Variants in LRP1B observed in about 807,000 individuals in gnomAD.
LRP1B encodes the protein LDL receptor related protein 1B.
In LRP1B, 217 loss-of-function variants were observed where a neutral mutation model predicts 556.6. The ratio of observed to expected loss-of-function variants is 0.39; its 90% CI spans 0.35 to 0.44. LRP1B has a LOEUF of 0.44. Ranked by LOEUF, LRP1B falls within the 20% of genes least tolerant of loss-of-function variation. LRP1B has a pLI of 1.00. For missense variants in LRP1B, 5,053 were observed against 5,620.8 expected (o/e 0.90, Z 3.23); for synonymous variants, 2,047 against 1,865.8 (o/e 1.10, Z -2.50).
chr2:141,725,399 C>T (rs1274019073), intron 2 of LRP1B, among the ~76,000 whole-genome samples: 1 of 151,798 alleles, frequency 6.6e-6, no homozygotes, highest in Non-Finnish European at 1.5e-5. Flanking sequence ...GTGTGAAATG[C>T]TCACTGATTA....
At chr2:141,215,065 G>A (rs1682733708) in intron 6 of LRP1B, among the ~76,000 whole-genome samples, 1 of 152,180 alleles carries the variant, frequency 6.6e-6, no homozygotes, top group African/African-American at 2.4e-5. Flanking sequence ...GGTGGGGACT[G>A]GTGGGTGATG....
intron 3 of LRP1B, among the ~76,000 whole-genome samples, chr2:141,304,858 G>T (rs779994691): frequency 1.3e-5 from 2 of 151,758 alleles, no homozygotes; most frequent in Non-Finnish European, 2.9e-5. Flanking sequence ...TATTCAAAAG[G>T]GTATCTTTCC....
At chr2:140,397,667 A>G (rs1044806781) in intron 66 of LRP1B, among the ~76,000 whole-genome samples, 2 of 152,168 alleles carry the variant, frequency 1.3e-5, no homozygotes, top group Admixed American at 1.3e-4. Context: ...TGTCATTTCT[A>G]TGGCTGTATA....
chr2:142,069,605 C>A (rs566075110), intron 1 of LRP1B, among the ~76,000 whole-genome samples: 20 of 151,738 alleles, frequency 1.3e-4, no homozygotes, highest in African/African-American at 4.8e-4. Context: ...TTTGCAAATT[C>A]ATGTTCATAA....
At chr2:140,354,152 C>A (rs996399022) in intron 75 of LRP1B, among the ~76,000 whole-genome samples, 2 of 152,026 alleles carry the variant, frequency 1.3e-5, no homozygotes, top group African/African-American at 2.4e-5. Flanking sequence ...ATTTCCCCTG[C>A]CTCATTTTAT....
At chr2:141,693,166 A>T (rs1302346732) in intron 2 of LRP1B, among the ~76,000 whole-genome samples, 2 of 152,060 alleles carry the variant, frequency 1.3e-5, no homozygotes, top group Non-Finnish European at 2.9e-5. Flanking sequence ...TCTTGAAAGT[A>T]GAGTCTTTTT....
chr2:141,875,877 C>T (rs1397558100), intron 1 of LRP1B, among the ~76,000 whole-genome samples: 2 of 151,674 alleles, frequency 1.3e-5, no homozygotes, highest in Admixed American at 1.3e-4. Context: ...ATGTTTTTTC[C>T]AATATGAAGA....
At chr2:141,284,721 G>T (rs1362142024) in intron 3 of LRP1B, among the ~76,000 whole-genome samples, 2 of 152,136 alleles carry the variant, frequency 1.3e-5, no homozygotes, top group Admixed American at 1.3e-4. Context: ...TTTGTGAAAA[G>T]ACTTTTTTCC....
At chr2:141,061,004 A>T (rs1232045157) in intron 8 of LRP1B, among the ~76,000 whole-genome samples, 6 of 151,804 alleles carry the variant, frequency 4.0e-5, no homozygotes. Context: ...CCCTATCTTC[A>T]TAACAAGGTT....
chr2:140,647,101 T>C (rs1355887607), intron 41 of LRP1B, among the ~76,000 whole-genome samples: 2 of 152,174 alleles, frequency 1.3e-5, no homozygotes, highest in African/African-American at 4.8e-5. Flanking sequence ...TTTCTCCGCA[T>C]TTAAATGCAG....
At chr2:140,587,139 A>G (rs1682018415) in intron 43 of LRP1B, among the ~76,000 whole-genome samples, 1 of 152,138 alleles carries the variant, frequency 6.6e-6, no homozygotes. Context: ...AAAAAGTAGA[A>G]TAATAGAAAA....
chr2:141,505,864 T>C (rs1246270705), intron 2 of LRP1B, among the ~76,000 whole-genome samples: 14 of 152,090 alleles, frequency 9.2e-5, no homozygotes, highest in Non-Finnish European at 2.9e-5. Flanking sequence ...AAGAAGCCTT[T>C]TCTGGACATC....
chr2:140,786,660 A>G (rs944703360), intron 32 of LRP1B, among the ~76,000 whole-genome samples: 26 of 152,176 alleles, frequency 1.7e-4, no homozygotes, highest in African/African-American at 6.3e-4. Flanking sequence ...GATGGAGAGC[A>G]TTGAAGAACA....
At chr2:141,053,112 C>G (rs1259420700) in intron 10 of LRP1B, among the ~76,000 whole-genome samples, 2 of 152,000 alleles carry the variant, frequency 1.3e-5, no homozygotes, top group Non-Finnish European at 2.9e-5. Context: ...TTAATACCTA[C>G]TTAAGTTTCT....
chr2:141,313,702 A>G (rs1996718), intron 3 of LRP1B, among the ~76,000 whole-genome samples: 152,290 of 152,296 alleles, frequency 1, 76,142 homozygotes, highest in Non-Finnish European at 1. Context: ...TACATTAGTG[A>G]TCACTGCAAG....
At chr2:141,172,427 T>G (rs972308461) in intron 7 of LRP1B, among the ~76,000 whole-genome samples, 1 of 152,086 alleles carries the variant, frequency 6.6e-6, no homozygotes, top group African/African-American at 2.4e-5. Flanking sequence ...AAAATGCTAT[T>G]AATTACAGGT....
chr2:141,864,563 G>GAAAAAAAAAAAAA (rs11320074), intron 1 of LRP1B, among the ~76,000 whole-genome samples: 1 of 144,046 alleles, frequency 6.9e-6, no homozygotes, highest in Non-Finnish European at 1.5e-5. Context: ...AATCTTGAGG[G>GAAAAAAAAAAAAA]AAAAAAAAAA....
chr2:141,327,130 C>T (rs534042776), intron 3 of LRP1B, among the ~76,000 whole-genome samples: 2 of 152,064 alleles, frequency 1.3e-5, no homozygotes, highest in East Asian at 3.9e-4. Flanking sequence ...GATCCAGTAA[C>T]TGGAATAAAA....
intron 1 of LRP1B, among the ~76,000 whole-genome samples, chr2:142,114,953 C>A (rs763094122): frequency 5.9e-5 from 9 of 151,884 alleles, no homozygotes; most frequent in Admixed American, 1.3e-4. Context: ...TCCCAATTAC[C>A]CAGTTTCAAT....
Sources: allele counts gnomAD v4.1 joint callset (sites outside exome capture counted in the v4.1 genomes callset), GRCh38; gene constraint gnomAD v4.1.1; transcripts MANE v1.5; gene names NCBI Gene and HGNC (gene_info 2026-07-23, HGNC 2026-07-21).